TSGA13: variants seen among roughly 807,000 people sequenced by gnomAD.
The protein encoded by TSGA13 is testis-specific gene 13 protein.
A neutral mutation model predicts 35.1 loss-of-function variants in TSGA13; 37 were observed. That is an observed-to-expected ratio of 1.05 (90% CI 0.81 to 1.39). The LOEUF (loss-of-function observed/expected upper bound fraction) is 1.39, where lower values mean the gene tolerates loss of function less well. Among genes scored for constraint, TSGA13 ranks in the 40% most tolerant of loss-of-function variants. The probability of loss-of-function intolerance (pLI) is 0.00; values close to 1 mark genes in which losing one functional copy is unlikely to be tolerated. For synonymous variants in TSGA13, 124 were observed against 121.2 expected, an observed-to-expected ratio of 1.02 and a Z score of -0.15; for missense variants, 338 against 328.5, an observed-to-expected ratio of 1.03 and a Z score of -0.22.
chr7:130,668,873 G>A lies in TSGA13; in HGVS notation c.*141C>T. ...CCCCCTTCTCCTCTTGCGGCCCGCC[G>A]GAGACTTCGGCTCGACCCTCCCGGC... On this transcript the variant is annotated 3_prime_UTR_variant, in exon 8 of 8. Transcript: ENST00000356588. 1 of 1,387,846 alleles carries A rather than the reference G, an allele frequency of 7.2e-7. No homozygotes were observed. Among genetic ancestry groups the A allele is most frequent in the Non-Finnish European group, 9.7e-7 (1 of 1,030,512 alleles). The allele number at this position is 1,387,846 out of a possible 1,614,324, so 86.0% of individuals were successfully genotyped here.
intron 7 of TSGA13, among the ~76,000 whole-genome samples, chr7:130,670,512 C>T (rs1796238513): frequency 6.6e-6 from 1 of 152,200 alleles, no homozygotes; most frequent in African/African-American, 2.4e-5. Context: ...CAAATGTGTA[C>T]TCAGTGCCCT....
At position 130,668,872 on chromosome 7, in the gene TSGA13, C is replaced by T. The variant is rs575662543; in HGVS notation, c.*142G>A. 1 of 1,386,522 alleles carries T rather than the reference C, an allele frequency of 7.2e-7. No individual in the cohort carries two copies. The highest frequency in any genetic ancestry group is 2.4e-5 in the East Asian group (1 of 40,890). 85.9% of individuals were successfully genotyped at this position (1,386,522 alleles called of 1,614,324 possible). On this transcript the variant is annotated 3_prime_UTR_variant, in exon 8 of 8. Coordinates refer to ENST00000356588, the MANE Select transcript of TSGA13 (RefSeq NM_052933.4). ...GCCCCCTTCTCCTCTTGCGGCCCGC[C>T]GGAGACTTCGGCTCGACCCTCCCGG...
At chr7:130,671,483 T>C (rs572952483) in intron 7 of TSGA13, among the ~76,000 whole-genome samples, 178 bp downstream of exon 7, 2 of 152,250 alleles carry the variant, frequency 1.3e-5, no homozygotes, top group East Asian at 3.9e-4. Flanking sequence ...TTAAACAGGG[T>C]CCAGAGCTTT....
intron 5 of TSGA13, among the ~76,000 whole-genome samples, chr7:130,675,613 G>C (rs1554464030): frequency 6.6e-6 from 1 of 152,180 alleles, no homozygotes; most frequent in Non-Finnish European, 1.5e-5. Flanking sequence ...TCAATCTCCT[G>C]ACCTCGTGAT....
At chr7:130,681,141 A>G (rs1796536371) in intron 3 of TSGA13, 124 bp from the exon 4 acceptor site, 2 of 776,550 alleles carry the variant, frequency 2.6e-6, no homozygotes, top group South Asian at 1.8e-5. Context: ...AAGTTAGAGA[A>G]GTACAGTTAG....
In TSGA13 at chr7:130,669,032, CT is replaced by C. The variant is rs1563076859; in HGVS notation, c.809del (p.Lys270ArgfsTer19). 1.2e-5 allele frequency: 19 copies of C among 1,614,178 alleles called. No individual in the cohort carries two copies. Among genetic ancestry groups the C allele is most frequent in the Non-Finnish European group, 1.6e-5 (19 of 1,180,032 alleles). ...TCTGTGTTCACCCGATGACCGTGGC[CT>C]TTTTGATAATCCACTGCGGGGCCCT... is the stretch of plus-strand genomic sequence containing the variant. ...NGRAPQWIIK[K>X]ATVIG is the part of the protein sequence containing the mutation. On this transcript the variant is annotated frameshift_variant, in exon 8 of 8. Coordinates refer to ENST00000356588, the MANE Select transcript of TSGA13 (RefSeq NM_052933.4). LOFTEE classifies it high-confidence loss of function.
intron 5 of TSGA13, among the ~76,000 whole-genome samples, chr7:130,678,438 A>G (rs199578873): frequency 2.4e-3 from 362 of 152,360 alleles, no homozygotes; most frequent in Non-Finnish European, 4.1e-3. Context: ...GAAACTGGAA[A>G]GTAATGTGTA....
rs1333090566 is a variant in TSGA13, at chr7:130,669,258, A to G, written c.659-75T>C. 9.4e-6 allele frequency: 15 copies of G among 1,590,284 alleles called. No homozygotes were observed. In the Middle Eastern group the frequency reaches 5.0e-4, roughly 53 times the overall value. On this transcript the variant is annotated intron_variant, in intron 7 of 7. Coordinates refer to ENST00000356588, the MANE Select transcript of TSGA13 (RefSeq NM_052933.4). ...CGAAGGATACTTAATGTGAGATGTAAAGGAGACGCACTTGGAGGGACCAGA... is the reference window on the plus strand; with the variant it reads ...CGAAGGATACTTAATGTGAGATGTAGAGGAGACGCACTTGGAGGGACCAGA...
At chr7:130,672,367 C>CT (rs1796292404) in intron 6 of TSGA13, among the ~76,000 whole-genome samples, 1 of 152,202 alleles carries the variant, frequency 6.6e-6, no homozygotes, top group Non-Finnish European at 1.5e-5. Flanking sequence ...TACACATAGG[C>CT]TGCTCTTGTA....
intron 6 of TSGA13, 52 bp downstream of exon 6, chr7:130,672,682 A>G: frequency 6.3e-7 from 1 of 1,589,490 alleles, no homozygotes; most frequent in Admixed American, 1.8e-5. Flanking sequence ...CAGAAACGTG[A>G]ATAGGGAAAA....
At position 130,668,670 on chromosome 7, in the gene TSGA13, T is replaced by C. The variant is rs1287141734; in HGVS notation, c.*344A>G. ...CTTCTTGTCGAATTTTTTAATCATC[T>C]TGGACGACTTCCCAGCGCCCAGACC... On this transcript the variant is annotated 3_prime_UTR_variant, in exon 8 of 8. Transcript: ENST00000356588. 8 of 1,540,464 alleles carry C rather than the reference T, an allele frequency of 5.2e-6. No homozygotes were observed. Among genetic ancestry groups the C allele is most frequent in the East Asian group, 2.7e-5 (1 of 37,192 alleles).
At position 130,683,611 on chromosome 7, in the gene TSGA13, C is replaced by T; in HGVS notation, c.85G>A (p.Val29Ile). 6.2e-7 allele frequency: 1 copy of T among 1,613,868 alleles called. No homozygotes were observed. Among genetic ancestry groups the T allele is most frequent in the Non-Finnish European group, 8.5e-7 (1 of 1,179,822 alleles). ...CTCCTTACCTCTTTGCTATTGACAA[C>T]CATTCCTTTCTCACGTTTAGCTGAG... ...NSSAKREKGM[V>I]VNSKEISDAV... Residue 29 changes from valine to isoleucine, a missense_variant, in exon 3 of 8, where the codon GTT (valine) becomes ATT (isoleucine). By Grantham distance (29) the Val-to-Ile change is conservative. Coordinates refer to ENST00000356588, the MANE Select transcript of TSGA13 (RefSeq NM_052933.4).
chr7:130,679,113 C>T (rs782593468), intron 5 of TSGA13, 42 bp downstream of exon 5: 18 of 1,471,026 alleles, frequency 1.2e-5, no homozygotes, highest in Middle Eastern at 1.7e-4. Context: ...ACTCCTAATT[C>T]GTCAGGGTTC....
In TSGA13 at chr7:130,679,251, C is replaced by A; in HGVS notation, c.291G>T (p.Leu97=). ...AGGGAGGTGGGTTGTTGGTCATAAT[C>A]AGTAACGTCTTATCCTGGTCATACT... The part of the protein sequence containing the change: ...VTQYDQDKTL[L]IMTNNPPPCS... The change falls in exon 5 of 8, where the codon CTG becomes CTT. Residue 97 remains leucine, a synonymous_variant. Transcript: ENST00000356588. 1 of 1,614,190 alleles carries A rather than the reference C, an allele frequency of 6.2e-7. No individual in the cohort carries two copies. Among genetic ancestry groups the A allele is most frequent in the Non-Finnish European group, 8.5e-7 (1 of 1,180,034 alleles).
Position 130,668,893 on chromosome 7 carries a change from C to A in TSGA13, c.*121G>T. 1 of 1,457,308 alleles carries A rather than the reference C, an allele frequency of 6.9e-7. No individual in the cohort carries two copies. The highest frequency in any genetic ancestry group is 2.4e-5 in the East Asian group (1 of 42,080). The allele number at this position is 1,457,308 out of a possible 1,614,324, so 90.3% of individuals were successfully genotyped here. On this transcript the variant is annotated 3_prime_UTR_variant, in exon 8 of 8. Transcript: ENST00000356588. ...CCGCCGGAGACTTCGGCTCGACCCT[C>A]CCGGCTTGCGACCCGGGAGCCCACG...
intron 5 of TSGA13, among the ~76,000 whole-genome samples, chr7:130,678,272 G>A (rs1796458252): frequency 2.0e-5 from 3 of 152,038 alleles, no homozygotes; most frequent in African/African-American, 2.4e-5. Flanking sequence ...CTAGCTGCTC[G>A]GGAGGCTGAG....
intron 7 of TSGA13, among the ~76,000 whole-genome samples, 177 bp from the exon 8 acceptor site, chr7:130,669,360 T>A (rs1301766886): frequency 6.6e-6 from 1 of 152,224 alleles, no homozygotes; most frequent in Non-Finnish European, 1.5e-5. Context: ...GATTCCTTCA[T>A]TTCATCAAAA....
chr7:130,668,777 G>T lies in TSGA13; in HGVS notation c.*237C>A, dbSNP rs1384774267. On this transcript the variant is annotated 3_prime_UTR_variant, in exon 8 of 8. Transcript: ENST00000356588. ...GGCCCCGCGCTCTCACGCCGGTTGGGCCGCCGCGCCTTCACTCGGGGCCAA... is the reference window on the plus strand; with the variant it reads ...GGCCCCGCGCTCTCACGCCGGTTGGTCCGCCGCGCCTTCACTCGGGGCCAA... 2.6e-5 allele frequency: 36 copies of T among 1,367,878 alleles called. No individual in the cohort carries two copies. Among genetic ancestry groups the T allele is most frequent in the Non-Finnish European group, 3.3e-5 (34 of 1,024,302 alleles). The allele number at this position is 1,367,878 out of a possible 1,614,324, so 84.7% of individuals were successfully genotyped here. A position where few individuals can be genotyped will look rare whatever the true frequency, so the allele number is the denominator to read the frequency against.
At chr7:130,674,799 A>G (rs1477978781) in intron 5 of TSGA13, among the ~76,000 whole-genome samples, 1 of 152,224 alleles carries the variant, frequency 6.6e-6, no homozygotes, top group African/African-American at 2.4e-5. Context: ...CTGCTTCTGA[A>G]CCATGTCTTT....
Sources: gnomAD v4.1 joint callset for allele counts (sites outside exome capture counted in the v4.1 genomes callset) on GRCh38, gnomAD v4.1.1 for gene constraint, MANE v1.5 for transcripts, NCBI Gene and HGNC (gene_info 2026-07-23, HGNC 2026-07-21) for gene names.